Variants in MAL2 observed in about 807,000 individuals in gnomAD.
MAL2 encodes the protein mal, T cell differentiation protein 2.
MAL2 carries 17 observed loss-of-function variants against 18.1 expected under a neutral mutation model. The ratio of observed to expected loss-of-function variants is 0.94; its 90% confidence interval spans 0.64 to 1.41. The LOEUF (loss-of-function observed/expected upper bound fraction) is 1.41. MAL2 is among the 40% of genes most tolerant of loss of function. MAL2 has a pLI of 0.00. For synonymous variants in MAL2, 102 were observed against 102.3 expected (o/e 1.00, Z 0.02); for missense variants, 222 against 231.9 (o/e 0.96, Z 0.28).
At chr8:119,219,520 GGTGTGTGTGT>G (rs143315878) in intron 1 of MAL2, among the ~76,000 whole-genome samples, 41 of 147,982 alleles carry the variant, frequency 2.8e-4, no homozygotes, top group South Asian at 4.3e-4. Flanking sequence ...ACTCTCCCTG[GGTGTGTGTGT>G]GTGTGTGTGT....
Position 119,215,892 on chromosome 8 carries a change from T to C in MAL2, c.133-5695T>C, listed in dbSNP as rs185321739. On this transcript the variant is annotated intron_variant, in intron 1 of 3. Transcript: ENST00000614891. Reference sequence around the variant, plus strand: ...ATCCATACTTGTGTGGGCTGCTTTGTAAATACATCTACCAGTTATATTGTA... The same window carrying C: ...ATCCATACTTGTGTGGGCTGCTTTGCAAATACATCTACCAGTTATATTGTA... Among the ~76,000 whole-genome samples, 79 of 152,342 alleles carry C rather than the reference T, an allele frequency of 5.2e-4. No individual in the cohort carries two copies. The Middle Eastern group carries it at 0.024, about 46-fold the overall frequency.
At chr8:119,218,322 C>T (rs1817394048) in intron 1 of MAL2, among the ~76,000 whole-genome samples, 1 of 152,100 alleles carries the variant, frequency 6.6e-6, no homozygotes, top group Non-Finnish European at 1.5e-5. Flanking sequence ...GTTTCCCTTC[C>T]AAGCCTTTGA....
chr8:119,222,191 A>G lies in MAL2; in HGVS notation c.303+434A>G, dbSNP rs558712984. Among the ~76,000 whole-genome samples the G allele has an allele frequency of 2.6e-5, 4 of 152,106 alleles. No individual in the cohort carries two copies. The East Asian group carries it at 7.8e-4, about 29-fold the overall frequency. ...TTAGAAAAGGGCATGTTTCATATTG[A>G]TAATAAACGTCTGTCCCAAATTAAA... On this transcript the variant is annotated intron_variant, in intron 2 of 3. Transcript: ENST00000614891.
Position 119,244,158 on chromosome 8 carries a change from T to G in MAL2, c.*670T>G, listed in dbSNP as rs1322720734. On this transcript the variant is annotated 3_prime_UTR_variant, in exon 4 of 4. Transcript: ENST00000614891. ...ACTGGTGTAAAACCTTAGTTATATATGATCTGCATTTTCTTGAACTGATCA... is the reference window on the plus strand; with the variant it reads ...ACTGGTGTAAAACCTTAGTTATATAGGATCTGCATTTTCTTGAACTGATCA... 3 of 152,194 alleles carry G rather than the reference T, an allele frequency of 2.0e-5. No individual in the cohort carries two copies. Among genetic ancestry groups the G allele is most frequent in the Non-Finnish European group, 4.4e-5 (3 of 68,030 alleles). 9.4% of individuals were successfully genotyped at this position (152,194 alleles called of 1,614,324 possible).
intron 1 of MAL2, among the ~76,000 whole-genome samples, chr8:119,209,723 C>T (rs994322350): frequency 6.6e-6 from 1 of 152,134 alleles, no homozygotes; most frequent in Non-Finnish European, 1.5e-5. Flanking sequence ...CTATTATGCT[C>T]AGGTAGCCAC....
At chr8:119,225,093 T>G (rs1195219466) in intron 2 of MAL2, among the ~76,000 whole-genome samples, 1 of 152,192 alleles carries the variant, frequency 6.6e-6, no homozygotes, top group Non-Finnish European at 1.5e-5. Context: ...AGAGTTTTAC[T>G]ACATAAACTT....
At chr8:119,242,300 CTCTTT>C (rs1452322645) in intron 3 of MAL2, among the ~76,000 whole-genome samples, 1 of 152,186 alleles carries the variant, frequency 6.6e-6, no homozygotes, top group Non-Finnish European at 1.5e-5. Flanking sequence ...CTGGCTGCTT[CTCTTT>C]TGTGACTTTG....
chr8:119,232,043 T>TA (rs1186670030), intron 2 of MAL2, among the ~76,000 whole-genome samples: 2 of 152,114 alleles, frequency 1.3e-5, no homozygotes, highest in Non-Finnish European at 2.9e-5. Flanking sequence ...TGAAAAATGC[T>TA]AAAAAATATT....
rs1273059690 is a variant in MAL2 at position 119,221,605 on chromosome 8, T to C, written c.151T>C (p.Trp51Arg). 6.2e-7 allele frequency: 1 copy of C among 1,613,888 alleles called. No individual in the cohort carries two copies. The highest frequency in any genetic ancestry group is 1.7e-5 in the Admixed American group (1 of 60,016). Residue 51 changes from tryptophan (W) to arginine (R), a missense_variant, in exon 2 of 4, where the codon TGG (tryptophan) becomes CGG (arginine). By Grantham distance (101) the Trp-to-Arg change is moderately radical (BLOSUM62 -3). Transcript: ENST00000614891. ...CLEILFGGLV[W>R]ILVASSNVPL... ...CTTTCAGCTGTTCGGGGGTCTTGTC[T>C]GGATTTTGGTTGCCTCCTCCAATGT...
intron 2 of MAL2, among the ~76,000 whole-genome samples, chr8:119,237,172 A>G (rs1817924366): frequency 6.6e-6 from 1 of 151,800 alleles, no homozygotes; most frequent in Non-Finnish European, 1.5e-5. Flanking sequence ...CTACACAAAT[A>G]AACTAGAAAA....
chr8:119,208,530 C>G lies in MAL2; in HGVS notation c.58C>G (p.Pro20Ala). The G allele has an allele frequency of 7.2e-7, 1 of 1,390,040 alleles. No individual in the cohort carries two copies. The allele number at this position is 1,390,040 out of a possible 1,614,324, so 86.1% of individuals were successfully genotyped here. ...CCCGAACCCCGCCGTGTCCTTCCCG[C>G]CGCCCCGGGTCACCCTGCCCGCCGG... is the stretch of plus-strand genomic sequence containing the variant. The part of the protein sequence containing the change: ...PPPNPAVSFP[P>A]PRVTLPAGPD... Residue 20 changes from proline to alanine, a missense_variant, in exon 1 of 4, where the codon CCG becomes GCG. By Grantham distance (27) the Pro-to-Ala change is conservative (BLOSUM62 -1). Transcript: ENST00000614891. The surrounding 1 kb of genome is among the most constrained non-coding windows in gnomAD (Gnocchi z 4.3).
chr8:119,223,258 A>G (rs1817506274), intron 2 of MAL2: 1 of 152,244 alleles, frequency 6.6e-6, no homozygotes, highest in Non-Finnish European at 1.5e-5. Context: ...ATAGCTTAGT[A>G]TAAAGCTAAG....
At chr8:119,232,018 AGT>A (rs1468096001) in intron 2 of MAL2, among the ~76,000 whole-genome samples, 1 of 152,168 alleles carries the variant, frequency 6.6e-6, no homozygotes, top group African/African-American at 2.4e-5. Context: ...AGTTAATAAC[AGT>A]GTATTATATT....
At chr8:119,237,975 A>C (rs187621220) in intron 2 of MAL2, among the ~76,000 whole-genome samples, 36 of 152,356 alleles carry the variant, frequency 2.4e-4, no homozygotes, top group African/African-American at 7.9e-4. Context: ...GTATTCAGTT[A>C]GGAAAAGAGG....
intron 2 of MAL2, among the ~76,000 whole-genome samples, chr8:119,227,354 GTAAAAGAAAA>G (rs1817616776): frequency 6.6e-6 from 1 of 152,090 alleles, no homozygotes; most frequent in African/African-American, 2.4e-5. Flanking sequence ...GATAACACTT[GTAAAAGAAAA>G]TAAAAGAGGA....
chr8:119,216,121 G>C (rs1181787509), intron 1 of MAL2, among the ~76,000 whole-genome samples: 2 of 152,040 alleles, frequency 1.3e-5, no homozygotes, highest in African/African-American at 4.8e-5. Flanking sequence ...AGTAGATAAA[G>C]TGTTCTGAAC....
chr8:119,224,996 G>C (rs1467647535), intron 2 of MAL2, among the ~76,000 whole-genome samples: 1 of 151,598 alleles, frequency 6.6e-6, no homozygotes, highest in African/African-American at 2.4e-5. Flanking sequence ...GTTCAAAGTG[G>C]TTGTCATCCA....
chr8:119,236,914 C>G (rs1236692198), intron 2 of MAL2, among the ~76,000 whole-genome samples: 1 of 149,482 alleles, frequency 6.7e-6, no homozygotes. Flanking sequence ...CATTCAAAAG[C>G]TAGCAGAAGG....
At chr8:119,242,989 C>T (rs1818077388) in intron 3 of MAL2, among the ~76,000 whole-genome samples, 2 of 152,132 alleles carry the variant, frequency 1.3e-5, no homozygotes, top group Non-Finnish European at 2.9e-5. Flanking sequence ...TTAAAGTTAC[C>T]TTCCATCATC....
Sources: allele counts gnomAD v4.1 joint callset (sites outside exome capture counted in the v4.1 genomes callset), GRCh38; gene constraint gnomAD v4.1.1; non-coding constraint Gnocchi (gnomAD v3.1); transcripts MANE v1.5; gene names NCBI Gene and HGNC (gene_info 2026-07-23, HGNC 2026-07-21).